Variants in FXR1 observed in about 807,000 individuals in gnomAD.
FXR1 encodes RNA-binding protein FXR1.
FXR1 carries 15 observed loss-of-function variants against 84.0 expected under a neutral mutation model. That is an observed-to-expected ratio of 0.18 (90% CI 0.12 to 0.27). FXR1 has a LOEUF of 0.27. Ranked by LOEUF, FXR1 falls within the 10% of genes least tolerant of loss-of-function variation. FXR1 has a pLI of 1.00. For missense variants in FXR1, 480 were observed against 774.4 expected (o/e 0.62, Z 4.51); for synonymous variants, 245 against 250.7 (o/e 0.98, Z 0.21).
chr3:180,968,281 T>A (rs779090409), intron 14 of FXR1, 27 bp downstream of exon 14: 1 of 1,443,796 alleles, frequency 6.9e-7, no homozygotes, highest in South Asian at 1.1e-5. Context: ...TCTGTCAGCA[T>A]CCATTATTTG....
At chr3:180,949,864 G>A (rs1414220478) in intron 7 of FXR1, among the ~76,000 whole-genome samples, 1 of 152,154 alleles carries the variant, frequency 6.6e-6, no homozygotes, top group Non-Finnish European at 1.5e-5. Context: ...TAGATGACAG[G>A]TGCCAAAGAG....
At position 180,935,413 on chromosome 3, in the gene FXR1, T is replaced by G. The variant is rs374768105; in HGVS notation, c.198+182T>G. On this transcript the variant is annotated intron_variant, in intron 3 of 16. Transcript: ENST00000357559. ...TTTTGGAGTTAGAATCGGTCTCACC[T>G]GTCCCATTTTTAGCTTTGTAGACTT... is the stretch of plus-strand genomic sequence containing the variant. 4.6e-5 allele frequency among the ~76,000 whole-genome samples: 7 copies of G among 152,212 alleles called. No individual in the cohort carries two copies. In the East Asian group the frequency reaches 1.3e-3, roughly 29 times the overall value.
Position 180,971,108 on chromosome 3 carries a change from G to A in FXR1, c.1603+750G>A, listed in dbSNP as rs764734278. 5.5e-6 allele frequency: 7 copies of A among 1,272,644 alleles called. No homozygotes were observed. In the Middle Eastern group the frequency reaches 6.5e-4, roughly 119 times the overall value. 78.8% of individuals were successfully genotyped at this position (1,272,644 alleles called of 1,614,324 possible). A position where few individuals can be genotyped will look rare whatever the true frequency, so the allele number is the denominator to read the frequency against. On this transcript the variant is annotated intron_variant, in intron 15 of 16. Coordinates refer to ENST00000357559, the MANE Select transcript of FXR1 (RefSeq NM_005087.4). The stretch of plus-strand genomic sequence containing the variant: ...GAAAAAAAACCCCAGCGACGCAATC[G>A]TAGCCGCAGGCGTCGCTTCAGGGGT...
At chr3:180,920,205 T>G (rs539090039) in intron 1 of FXR1, among the ~76,000 whole-genome samples, 1 of 152,186 alleles carries the variant, frequency 6.6e-6, no homozygotes, top group African/African-American at 2.4e-5. Context: ...GGTAGCTGTT[T>G]TTGGTTCCCT....
intron 3 of FXR1, among the ~76,000 whole-genome samples, chr3:180,939,824 A>G (rs1423791699): frequency 6.6e-6 from 1 of 152,214 alleles, no homozygotes; most frequent in African/African-American, 2.4e-5. Context: ...GAAGGAAAGA[A>G]AAGGTGACTT....
chr3:180,963,054 A>C lies in FXR1; in HGVS notation c.1162A>C (p.Arg388=). ...TTCTAGGTCTTATAGCGGAAGAGGC[A>C]GAGGTCGTCGGGGACCTAATTACAC... The part of the protein sequence containing the change: ...IGSRSYSGRG[R]GRRGPNYTSG... The change falls in exon 13 of 17, where the codon AGA becomes CGA. Residue 388 remains arginine, a synonymous_variant. Transcript: ENST00000357559. 6.2e-7 allele frequency: 1 copy of C among 1,603,666 alleles called. No homozygotes were observed. The highest frequency in any genetic ancestry group is 8.5e-7 in the Non-Finnish European group (1 of 1,170,740).
chr3:180,959,361 T>C (rs1377596512), intron 10 of FXR1, among the ~76,000 whole-genome samples: 6 of 151,754 alleles, frequency 4.0e-5, no homozygotes, highest in South Asian at 2.1e-4. Flanking sequence ...TTTTTTTTTT[T>C]CCTGAGATTT....
At chr3:180,966,645 T>G (rs1031312395) in intron 13 of FXR1, among the ~76,000 whole-genome samples, 1 of 152,176 alleles carries the variant, frequency 6.6e-6, no homozygotes, top group African/African-American at 2.4e-5. Context: ...AAGATGGAGT[T>G]CCACCCTTTA....
chr3:180,960,881 A>G (rs1712012574), intron 10 of FXR1, among the ~76,000 whole-genome samples: 1 of 152,220 alleles, frequency 6.6e-6, no homozygotes, highest in Non-Finnish European at 1.5e-5. Flanking sequence ...TGTTTAGCAC[A>G]CAGAAGACAA....
chr3:180,917,030 T>G (rs1287325772), intron 1 of FXR1, among the ~76,000 whole-genome samples: 1 of 151,966 alleles, frequency 6.6e-6, no homozygotes, highest in Non-Finnish European at 1.5e-5. Context: ...GAGACGGAGT[T>G]TCACCATGTT....
rs913158873 is a variant in FXR1, at chr3:180,936,341, C to G, written c.198+1110C>G. Among the ~76,000 whole-genome samples, 29 of 152,206 alleles carry G rather than the reference C, an allele frequency of 1.9e-4. 1 individual carries two copies. Among genetic ancestry groups the G allele is most frequent in the African/African-American group, 6.7e-4 (28 of 41,502 alleles). On this transcript the variant is annotated intron_variant, in intron 3 of 16. Transcript: ENST00000357559. ...GGAGTTCAATGGAGCAATCTCAGTTCACTCCAACCTCCTCTTCCCAGGTTC... is the reference window on the plus strand; with the variant it reads ...GGAGTTCAATGGAGCAATCTCAGTTGACTCCAACCTCCTCTTCCCAGGTTC...
intron 1 of FXR1, among the ~76,000 whole-genome samples, chr3:180,920,379 T>G (rs1718432935): frequency 6.6e-6 from 1 of 152,194 alleles, no homozygotes; most frequent in Admixed American, 6.5e-5. Context: ...TGGTTCAAAC[T>G]GAATTTAAAT....
rs566982301 is a variant in FXR1, at chr3:180,927,846, C to A, written c.52-5488C>A. On this transcript the variant is annotated intron_variant, in intron 1 of 16. Coordinates refer to ENST00000357559, the MANE Select transcript of FXR1 (RefSeq NM_005087.4). ...TTCACCTAGTTCATATCCATCGATACCTTTTCCATCAGCTTGTTCTTACTC... is the reference window on the plus strand; with the variant it reads ...TTCACCTAGTTCATATCCATCGATAACTTTTCCATCAGCTTGTTCTTACTC... The A allele has an allele frequency of 4.0e-4, 161 of 404,734 alleles. 1 individual carries two copies. The highest frequency in any genetic ancestry group is 1.1e-3 in the South Asian group (12 of 10,996). 25.1% of individuals were successfully genotyped at this position (404,734 alleles called of 1,614,324 possible).
chr3:180,974,844 AAC>A (rs557621994), intron 15 of FXR1, among the ~76,000 whole-genome samples: 17 of 152,202 alleles, frequency 1.1e-4, no homozygotes, highest in Middle Eastern at 3.4e-3. Flanking sequence ...TTTAAAAAAA[AAC>A]ACACACACAC....
At chr3:180,919,213 A>C (rs1718255551) in intron 1 of FXR1, among the ~76,000 whole-genome samples, 2 of 152,104 alleles carry the variant, frequency 1.3e-5, no homozygotes, top group South Asian at 4.1e-4. Context: ...TAAATGTAAA[A>C]TACAAATTGG....
intron 3 of FXR1, among the ~76,000 whole-genome samples, chr3:180,940,842 C>A (rs1036928379): frequency 1.3e-5 from 2 of 152,110 alleles, no homozygotes; most frequent in Non-Finnish European, 2.9e-5. Flanking sequence ...TCCCAAAGTG[C>A]CAGGATTACA....
intron 1 of FXR1, among the ~76,000 whole-genome samples, chr3:180,932,236 C>T (rs1213979278): frequency 6.6e-6 from 1 of 151,890 alleles, no homozygotes; most frequent in African/African-American, 2.4e-5. Context: ...CTTACTTTGA[C>T]CAGGTACTAT....
chr3:180,953,959 T>A, intron 9 of FXR1, 119 bp downstream of exon 9: 1 of 604,586 alleles, frequency 1.7e-6, no homozygotes, highest in Non-Finnish European at 2.9e-6. Flanking sequence ...TGTAGATTTA[T>A]TTAGATAGCA....
chr3:180,925,829 G>T (rs1260318974), intron 1 of FXR1, among the ~76,000 whole-genome samples: 3 of 152,278 alleles, frequency 2.0e-5, no homozygotes, highest in African/African-American at 7.2e-5. Flanking sequence ...GAAAAAACCC[G>T]AGGTACTGAA....
Sources: allele counts gnomAD v4.1 joint callset (sites outside exome capture counted in the v4.1 genomes callset), GRCh38; gene constraint gnomAD v4.1.1; transcripts MANE v1.5; gene names NCBI Gene and HGNC (gene_info 2026-07-23, HGNC 2026-07-21).